MAST4: variants seen among roughly 807,000 people sequenced by gnomAD.
MAST4 encodes microtubule-associated serine/threonine-protein kinase 4.
A neutral mutation model predicts 162.7 loss-of-function variants in MAST4; 89 were observed. That is an observed-to-expected ratio of 0.55 (90% CI 0.46 to 0.65). The LOEUF (loss-of-function observed/expected upper bound fraction) is 0.65, where lower values mean the gene tolerates loss of function less well. MAST4 is among the 30% of genes least tolerant of loss of function. The pLI, the probability that MAST4 is intolerant of heterozygous loss-of-function variation, is 0.00. For synonymous variants in MAST4, 1,479 were observed against 1,361.1 expected (o/e 1.09, Z -1.91); for missense variants, 3,153 against 3,374.0 (o/e 0.93, Z 1.62).
At chr5:66,955,365 G>A (rs1445699688) in intron 4 of MAST4, among the ~76,000 whole-genome samples, 2 of 152,138 alleles carry the variant, frequency 1.3e-5, no homozygotes, top group Non-Finnish European at 2.9e-5. Flanking sequence ...AAGGGCAAGA[G>A]GCAGGAGTGT....
chr5:67,055,794 G>A (rs563888499), intron 5 of MAST4, among the ~76,000 whole-genome samples: 6 of 152,104 alleles, frequency 3.9e-5, no homozygotes, highest in African/African-American at 1.2e-4. Context: ...GTAACCTAAC[G>A]ATCTATCACT....
intron 3 of MAST4, among the ~76,000 whole-genome samples, chr5:66,836,075 G>A (rs370019154): frequency 1.1e-4 from 16 of 152,122 alleles, no homozygotes; most frequent in Admixed American, 3.9e-4. Context: ...GGAGACTGAC[G>A]CCAGAGGATT....
At chr5:66,975,645 G>T (rs183845544) in intron 4 of MAST4, among the ~76,000 whole-genome samples, 1 of 152,304 alleles carries the variant, frequency 6.6e-6, no homozygotes, top group East Asian at 1.9e-4. Context: ...AATAGTGAGA[G>T]AGTCAGAACA....
chr5:67,033,368 A>C (rs1581268303), intron 4 of MAST4, among the ~76,000 whole-genome samples: 1 of 114,686 alleles, frequency 8.7e-6, no homozygotes, highest in African/African-American at 3.6e-5. Context: ...TCAGATTGTT[A>C]CAGATACTTC....
At chr5:67,099,768 G>T (rs1024670718) in intron 7 of MAST4, among the ~76,000 whole-genome samples, 19 of 151,142 alleles carry the variant, frequency 1.3e-4, no homozygotes, top group African/African-American at 4.6e-4. Flanking sequence ...TTTTCAAAAA[G>T]CAAATCTACA....
intron 23 of MAST4, among the ~76,000 whole-genome samples, chr5:67,145,914 T>C (rs1481663796): frequency 6.6e-6 from 1 of 152,170 alleles, no homozygotes; most frequent in African/African-American, 2.4e-5. Context: ...TTGTACCAAG[T>C]AATTTCTCTC....
rs768670326 is a variant in MAST4, at chr5:67,164,292, G to A, written c.5113G>A (p.Val1705Met). 1.2e-6 allele frequency: 2 copies of A among 1,614,026 alleles called. No homozygotes were observed. Among genetic ancestry groups the A allele is most frequent in the Non-Finnish European group, 1.7e-6 (2 of 1,179,886 alleles). ...LEDKEDNLCP[V>M]LKPKMTAGSH... The stretch of plus-strand genomic sequence containing the variant: ...GGACAAAGAGGACAACCTCTGCCCT[G>A]TGCTGAAGCCCAAGATGACAGCTGG... Residue 1705 changes from valine to methionine, a missense_variant, in exon 29 of 29, where the codon GTG (valine) becomes ATG (methionine). Transcript: ENST00000403625. The surrounding 1 kb of genome is among the most constrained non-coding windows in gnomAD (Gnocchi z 5.3).
chr5:66,862,946 T>A (rs902609896), intron 3 of MAST4, among the ~76,000 whole-genome samples: 4 of 152,212 alleles, frequency 2.6e-5, no homozygotes, highest in Admixed American at 2.0e-4. Context: ...CCCTTCTCCA[T>A]GGAATCTGAG....
At chr5:66,788,607 C>CCAAACAAAAAAAAAAAAAA in intron 2 of MAST4, 63 bp from the exon 3 acceptor site, 41 of 1,373,622 alleles carry the variant, frequency 3.0e-5, no homozygotes, top group Non-Finnish European at 3.7e-5. Flanking sequence ...CCCCCACCCC[C>CCAAACAAAAAAAAAAAAAA]ATTGCAATAA....
chr5:66,845,426 G>A (rs986489482), intron 3 of MAST4, among the ~76,000 whole-genome samples: 10 of 151,648 alleles, frequency 6.6e-5, no homozygotes, highest in East Asian at 5.9e-4. Context: ...GCTTCATGTC[G>A]CTACAAAGGA....
intron 3 of MAST4, among the ~76,000 whole-genome samples, chr5:66,858,557 C>A (rs961323862): frequency 6.6e-6 from 1 of 152,164 alleles, no homozygotes; most frequent in Non-Finnish European, 1.5e-5. Context: ...GTGAATCCCA[C>A]ATGATTTAAC....
chr5:67,120,075 A>G (rs558315985), intron 13 of MAST4, among the ~76,000 whole-genome samples: 2 of 152,344 alleles, frequency 1.3e-5, no homozygotes, highest in South Asian at 4.1e-4. Context: ...GACTAAATAG[A>G]TCCAGATCTT....
chr5:66,761,506 A>G lies in MAST4; in HGVS notation c.517+1644A>G, dbSNP rs186907544. Among the ~76,000 whole-genome samples, 11 of 152,046 alleles carry G rather than the reference A, an allele frequency of 7.2e-5. No individual in the cohort carries two copies. The East Asian group carries it at 1.9e-3, about 27-fold the overall frequency. On this transcript the variant is annotated intron_variant, in intron 2 of 28. Coordinates refer to ENST00000403625, the MANE Select transcript of MAST4 (RefSeq NM_001164664.2). ...TCCCCAAACAGAGTTTTCTTTCTAC[A>G]TGATGGTCTTGTCTACCAGTTTAAA...
intron 3 of MAST4, among the ~76,000 whole-genome samples, chr5:66,873,684 C>T (rs1317654471): frequency 6.6e-6 from 1 of 152,144 alleles, no homozygotes; most frequent in African/African-American, 2.4e-5. Context: ...TAGATTTTCT[C>T]ATCTATGAGG....
At chr5:66,817,714 ATG>A (rs1298300176) in intron 3 of MAST4, among the ~76,000 whole-genome samples, 1 of 152,176 alleles carries the variant, frequency 6.6e-6, no homozygotes, top group African/African-American at 2.4e-5. Context: ...ATAATTGTGA[ATG>A]TTTGATTCTG....
In MAST4 at chr5:66,596,703, C is replaced by G. The variant is rs1477244159; in HGVS notation, c.48C>G (p.Cys16Trp). The G allele has an allele frequency of 6.8e-7, 1 of 1,466,760 alleles. No individual in the cohort carries two copies. Among genetic ancestry groups the G allele is most frequent in the Non-Finnish European group, 9.0e-7 (1 of 1,110,232 alleles). The allele number at this position is 1,466,760 out of a possible 1,614,324, so 90.9% of individuals were successfully genotyped here. ...CGCCAGAGCCGGTGCCCCGCGGCTGCAGTGGCCACGGCAGCCGGACTCCAG... is the reference window on the plus strand; with the variant it reads ...CGCCAGAGCCGGTGCCCCGCGGCTGGAGTGGCCACGGCAGCCGGACTCCAG... ...SEAPEPVPRGCSGHGSRTPAS... is the reference protein window; with the variant it reads ...SEAPEPVPRGWSGHGSRTPAS... The change falls in exon 1 of 29, where the codon TGC becomes TGG. Residue 16 changes from cysteine to tryptophan, a missense_variant. By Grantham distance (215) the Cys-to-Trp change is radical. Transcript: ENST00000403625.
chr5:67,049,038 TATAC>T (rs1757791493), intron 4 of MAST4, among the ~76,000 whole-genome samples: 2 of 90,112 alleles, frequency 2.2e-5, no homozygotes, highest in Admixed American at 2.3e-4. Flanking sequence ...TATATATATA[TATAC>T]GTGTATATAT....
At chr5:67,108,875 GT>G (rs1765898824) in intron 10 of MAST4, among the ~76,000 whole-genome samples, 1 of 152,020 alleles carries the variant, frequency 6.6e-6, no homozygotes, top group Admixed American at 6.5e-5. Flanking sequence ...GTTTATTACT[GT>G]GTTTGTGAAA....
In MAST4 at chr5:67,121,000, CAT is replaced by C; in HGVS notation, c.1660-14_1660-13del. On this transcript the variant is annotated splice_polypyrimidine_tract_variant and intron_variant, in intron 13 of 28. Coordinates refer to ENST00000403625, the MANE Select transcript of MAST4 (RefSeq NM_001164664.2). ...TAAATCTAAACTACTTTTTAACTTC[CAT>C]ATTTTGTTTCCAAGAGCTCTAATGC... 1 of 1,573,318 alleles carries C rather than the reference CAT, an allele frequency of 6.4e-7. No individual in the cohort carries two copies. The highest frequency in any genetic ancestry group is 1.4e-5 in the African/African-American group (1 of 73,748).
Sources: allele counts gnomAD v4.1 joint callset (sites outside exome capture counted in the v4.1 genomes callset), GRCh38; gene constraint gnomAD v4.1.1; non-coding constraint Gnocchi (gnomAD v3.1); transcripts MANE v1.5; gene names NCBI Gene and HGNC (gene_info 2026-07-23, HGNC 2026-07-21).